The following FGR variants were observed in gnomAD, a reference collection of about 807,000 sequenced individuals.
FGR encodes the protein tyrosine-protein kinase Fgr.
A neutral mutation model predicts 63.2 loss-of-function variants in FGR; 26 were observed. The observed-to-expected ratio is 0.41, with a 90% CI of 0.30 to 0.57. FGR has a LOEUF of 0.57. Among genes scored for constraint, FGR ranks in the 20% least tolerant of loss-of-function variants. The pLI is 0.27. For synonymous variants in FGR, 286 were observed against 277.7 expected, an observed-to-expected ratio of 1.03 and a Z score of -0.30; for missense variants, 511 against 690.8, an observed-to-expected ratio of 0.74 and a Z score of 2.92.
In FGR at chr1:27,615,480, C is replaced by T. The variant is rs1438171215; in HGVS notation, c.972G>A (p.Val324=). 2 of 1,612,008 alleles carry T rather than the reference C, an allele frequency of 1.2e-6. No homozygotes were observed. The highest frequency in any genetic ancestry group is 1.7e-6 in the Non-Finnish European group (2 of 1,178,198). ...RHDKLVQLYA[V]VSEEPIYIVT... Reference sequence around the variant, plus strand: ...CGATGTAGATGGGCTCCTCCGACACCACGGCGTACAGCTGCACCAGCTTGT... The same window carrying T: ...CGATGTAGATGGGCTCCTCCGACACTACGGCGTACAGCTGCACCAGCTTGT... Residue 324 remains valine (V), a synonymous_variant, in exon 9 of 13, where the codon GTG becomes GTA. Transcript: ENST00000374005. This position sits in a 1 kb window ranked among gnomAD's most constrained non-coding sequence, Gnocchi z 7.6.
rs142301533 is a variant in FGR, at chr1:27,626,830, G to C, written c.-76-1679C>G. On this transcript the variant is annotated intron_variant, in intron 1 of 12. Transcript: ENST00000374005. ...GGAAGCCATCCAGGGCCCAGCGGGAGGGATTTCAGGAACTGGTGAAAAGAG... is the reference window on the plus strand; with the variant it reads ...GGAAGCCATCCAGGGCCCAGCGGGACGGATTTCAGGAACTGGTGAAAAGAG... Among the ~76,000 whole-genome samples the C allele has an allele frequency of 2.1e-4, 32 of 152,178 alleles. No individual in the cohort carries two copies. In the East Asian group the frequency reaches 6.2e-3, roughly 29 times the overall value.
intron 1 of FGR, 121 bp downstream of exon 1, chr1:27,634,944 T>G (rs1292088): frequency 1 from 151,990 of 152,676 alleles, 75,656 homozygotes; most frequent in Middle Eastern, 1. Flanking sequence ...ACCTTGCTCA[T>G]GTGTCCCCCG....
chr1:27,632,345 C>T (rs1273653509), intron 1 of FGR, among the ~76,000 whole-genome samples: 1 of 152,004 alleles, frequency 6.6e-6, no homozygotes, highest in Admixed American at 6.6e-5. Flanking sequence ...GTCATGTTGG[C>T]CAGGCTGTTC....
At chr1:27,633,377 C>G (rs986175214) in intron 1 of FGR, among the ~76,000 whole-genome samples, 8 of 152,172 alleles carry the variant, frequency 5.3e-5, no homozygotes, top group Non-Finnish European at 1.2e-4. Flanking sequence ...CATCAGGGCC[C>G]CTGAGAGTAC....
rs1415949747 is a variant in FGR at position 27,615,676 on chromosome 1, G to A, written c.838+13C>T. The A allele has an allele frequency of 6.3e-7, 1 of 1,593,550 alleles. No homozygotes were observed. The highest frequency in any genetic ancestry group is 8.6e-7 in the Non-Finnish European group (1 of 1,164,776). ...AGCCCAGGCCCTCGTCCCGGCCCCC[G>A]GGAGCTCCGTACCCAGCCACACATC... is the stretch of plus-strand genomic sequence containing the variant. On this transcript the variant is annotated intron_variant, in intron 8 of 12. Transcript: ENST00000374005. The surrounding 1 kb of genome is among the most constrained non-coding windows in gnomAD (Gnocchi z 7.6).
rs2089960149 is a variant in FGR, at chr1:27,623,086, G to A, written c.285C>T (p.Asp95=). The change falls in exon 4 of 13, where the codon GAC becomes GAT. Residue 95 remains aspartate (D), a synonymous_variant. Coordinates refer to ENST00000374005, the MANE Select transcript of FGR (RefSeq NM_005248.3). ...ACTTCTCGCCCTTGGTGAAGGTGAG[G>A]TCATCCTCAGTTCGAGCCTCATAGT... The part of the protein sequence containing the change: ...LYDYEARTED[D]LTFTKGEKFH... 1 of 1,614,058 alleles carries A rather than the reference G, an allele frequency of 6.2e-7. No homozygotes were observed. Among genetic ancestry groups the A allele is most frequent in the Non-Finnish European group, 8.5e-7 (1 of 1,180,008 alleles).
chr1:27,632,746 G>C (rs768964581), intron 1 of FGR, among the ~76,000 whole-genome samples: 3 of 151,952 alleles, frequency 2.0e-5, no homozygotes, highest in African/African-American at 7.3e-5. Flanking sequence ...CCATGGCGGC[G>C]GGGGGCGGGG....
chr1:27,628,516 TACACAC>T (rs56021900), intron 1 of FGR, among the ~76,000 whole-genome samples: 1,049 of 91,282 alleles, frequency 0.011, 17 homozygotes, highest in African/African-American at 0.03. Context: ...CATGTAGGGA[TACACAC>T]ACACACACAC....
In FGR at chr1:27,616,716, G is replaced by C. The variant is rs955911166; in HGVS notation, c.682+141C>G. The C allele has an allele frequency of 2.4e-6, 2 of 839,922 alleles. No homozygotes were observed. Among genetic ancestry groups the C allele is most frequent in the Non-Finnish European group, 3.8e-6 (2 of 527,214 alleles). The allele number at this position is 839,922 out of a possible 1,614,324, so 52.0% of individuals were successfully genotyped here. On this transcript the variant is annotated intron_variant, in intron 7 of 12. Transcript: ENST00000374005. This position sits in a 1 kb window ranked among gnomAD's most constrained non-coding sequence, Gnocchi z 4.3. ...AGAAGCTCACAGAGCTGGATCCTGG[G>C]CTGGCAGACCCCATCCTTGGGTTCT...
chr1:27,624,298 C>A lies in FGR; in HGVS notation c.-13-369G>T, dbSNP rs551020884. 9.8e-5 allele frequency among the ~76,000 whole-genome samples: 15 copies of A among 152,314 alleles called. No homozygotes were observed. In the South Asian group the frequency reaches 2.9e-3, roughly 29 times the overall value. On this transcript the variant is annotated intron_variant, in intron 2 of 12. Transcript: ENST00000374005. ...TTGCCCAGGCTGGAGTGCAGTGGCA[C>A]AATCATAGCTTGCTGCAGCCTTGAT... is the stretch of plus-strand genomic sequence containing the variant.
In FGR at chr1:27,615,223, C is replaced by A. The variant is rs1429803662; in HGVS notation, c.1018+211G>T. Among the ~76,000 whole-genome samples, 1 of 152,100 alleles carries A rather than the reference C, an allele frequency of 6.6e-6. No homozygotes were observed. The highest frequency in any genetic ancestry group is 2.4e-5 in the African/African-American group (1 of 41,408). On this transcript the variant is annotated intron_variant, in intron 9 of 12. Coordinates refer to ENST00000374005, the MANE Select transcript of FGR (RefSeq NM_005248.3). The surrounding 1 kb of genome is among the most constrained non-coding windows in gnomAD (Gnocchi z 7.6). ...TAGCCCAAGCCCTACCCGCCTAACA[C>A]CGGAGGCACCGCCCCCCTCCCCAGC...
intron 5 of FGR, among the ~76,000 whole-genome samples, chr1:27,620,356 G>C (rs1354405527): frequency 1.3e-5 from 2 of 151,918 alleles, no homozygotes; most frequent in African/African-American, 4.8e-5. Context: ...ACTCATGCCT[G>C]AAATCCCAGC....
rs948935261 is a variant in FGR, at chr1:27,615,266, C to A, written c.1018+168G>T. ...TCCCCAGCTCCCTAGTGGTCTCACTCGGCCCGGCTCCCACCTCAGCCCTCC... is the reference window on the plus strand; with the variant it reads ...TCCCCAGCTCCCTAGTGGTCTCACTAGGCCCGGCTCCCACCTCAGCCCTCC... On this transcript the variant is annotated intron_variant, in intron 9 of 12. Coordinates refer to ENST00000374005, the MANE Select transcript of FGR (RefSeq NM_005248.3). This position sits in a 1 kb window ranked among gnomAD's most constrained non-coding sequence, Gnocchi z 7.6. Among the ~76,000 whole-genome samples, 2 of 152,108 alleles carry A rather than the reference C, an allele frequency of 1.3e-5. No homozygotes were observed. Among genetic ancestry groups the A allele is most frequent in the East Asian group, 3.9e-4 (2 of 5,188 alleles).
chr1:27,633,601 ACT>A (rs568231369), intron 1 of FGR, among the ~76,000 whole-genome samples: 247 of 151,852 alleles, frequency 1.6e-3, no homozygotes, highest in African/African-American at 5.6e-3. Context: ...ACAAAATCTC[ACT>A]CTCTCATCCA....
chr1:27,617,239 GCCT>G lies in FGR; in HGVS notation c.483_485del (p.Gly162del). 1 of 1,614,170 alleles carries G rather than the reference GCCT, an allele frequency of 6.2e-7. No homozygotes were observed. Among genetic ancestry groups the G allele is most frequent in the Non-Finnish European group, 8.5e-7 (1 of 1,180,004 alleles). ...GAATGAGAAAGGCCCCCTGGGGGTT[GCCT>G]GGTGAAAGCAGCTGCCTCTCTGCAT... is the stretch of plus-strand genomic sequence containing the variant. On this transcript the variant is annotated inframe_deletion, in exon 6 of 13. Transcript: ENST00000374005. This position sits in a 1 kb window ranked among gnomAD's most constrained non-coding sequence, Gnocchi z 4.5.
At chr1:27,621,768 T>C in intron 4 of FGR, 111 bp from the exon 5 acceptor site, 2 of 762,016 alleles carry the variant, frequency 2.6e-6, no homozygotes, top group Non-Finnish European at 4.7e-6. Context: ...AACCCTCATC[T>C]TGGACACCCC....
intron 4 of FGR, 81 bp downstream of exon 4, chr1:27,622,961 G>T (rs1571395569): frequency 1.0e-6 from 1 of 983,682 alleles, no homozygotes; most frequent in East Asian, 2.4e-5. Context: ...AGCATTCTGA[G>T]GCTAGGGACC....
chr1:27,633,474 C>T (rs2090135203), intron 1 of FGR, among the ~76,000 whole-genome samples: 1 of 152,220 alleles, frequency 6.6e-6, no homozygotes, highest in African/African-American at 2.4e-5. Flanking sequence ...TATGGGCTCT[C>T]ATCAGAGCCA....
Position 27,616,242 on chromosome 1 carries a change from C to T in FGR, c.683-398G>A, listed in dbSNP as rs531613379. On this transcript the variant is annotated intron_variant, in intron 7 of 12. Transcript: ENST00000374005. The surrounding 1 kb of genome is among the most constrained non-coding windows in gnomAD (Gnocchi z 4.3). ...TTGGCATAACCAATCAAGGCAGAAA[C>T]GTGGGCATTGACTCCTGCCTTCCCT... 2.0e-4 allele frequency among the ~76,000 whole-genome samples: 31 copies of T among 152,182 alleles called. No homozygotes were observed. The highest frequency in any genetic ancestry group is 3.1e-4 in the Non-Finnish European group (21 of 68,012).
Sources: gnomAD v4.1 joint callset for allele counts (sites outside exome capture counted in the v4.1 genomes callset) on GRCh38, gnomAD v4.1.1 for gene constraint, Gnocchi (gnomAD v3.1) non-coding constraint, MANE v1.5 for transcripts, NCBI Gene and HGNC (gene_info 2026-07-23, HGNC 2026-07-21) for gene names.